MYRIP: variants seen among roughly 807,000 people sequenced by gnomAD.
MYRIP encodes rab effector MyRIP.
MYRIP carries 49 observed loss-of-function variants against 98.0 expected under a neutral mutation model. That is an observed-to-expected ratio of 0.50 (90% CI 0.40 to 0.63). The LOEUF (loss-of-function observed/expected upper bound fraction) is 0.63, where lower values mean the gene tolerates loss of function less well. MYRIP is among the 30% of genes least tolerant of loss of function. The probability of loss-of-function intolerance (pLI) is 0.00; values close to 1 mark genes in which losing one functional copy is unlikely to be tolerated. For synonymous variants in MYRIP, 404 were observed against 409.5 expected, an observed-to-expected ratio of 0.99 and a Z score of 0.16; for missense variants, 1,004 against 1,058.2, an observed-to-expected ratio of 0.95 and a Z score of 0.71.
At chr3:39,955,141 C>T (rs1158639560) in intron 2 of MYRIP, among the ~76,000 whole-genome samples, 1 of 152,166 alleles carries the variant, frequency 6.6e-6, no homozygotes, top group Admixed American at 6.5e-5. Context: ...TCTAGCAAGA[C>T]AGGCCAACAT....
chr3:39,996,518 C>T (rs1946361366), intron 2 of MYRIP, among the ~76,000 whole-genome samples: 1 of 152,142 alleles, frequency 6.6e-6, no homozygotes. Context: ...TACAGGAGCA[C>T]CCAGATTCAT....
intron 4 of MYRIP, among the ~76,000 whole-genome samples, chr3:40,153,422 G>A (rs1950159173): frequency 6.6e-6 from 1 of 152,192 alleles, no homozygotes; most frequent in South Asian, 2.1e-4. Context: ...GCTTTTGCCT[G>A]TCACCCAATA....
At chr3:39,971,342 T>C (rs1023905006) in intron 2 of MYRIP, among the ~76,000 whole-genome samples, 2 of 152,060 alleles carry the variant, frequency 1.3e-5, no homozygotes, top group African/African-American at 4.8e-5. Flanking sequence ...TGCTTCTTTC[T>C]TGCCTTCAGC....
At chr3:40,067,504 T>C (rs956766341) in intron 3 of MYRIP, among the ~76,000 whole-genome samples, 7 of 152,126 alleles carry the variant, frequency 4.6e-5, no homozygotes, top group Admixed American at 4.6e-4. Context: ...GCCAAGAAGA[T>C]CTGTTCCCTC....
intron 2 of MYRIP, among the ~76,000 whole-genome samples, chr3:39,949,930 G>C (rs565213600): frequency 1.7e-4 from 26 of 152,166 alleles, no homozygotes; most frequent in African/African-American, 6.0e-4. Context: ...ATGTTGAAGA[G>C]GTCTGATTTT....
intron 2 of MYRIP, among the ~76,000 whole-genome samples, chr3:39,992,062 C>G (rs908829251): frequency 1.3e-5 from 2 of 152,320 alleles, no homozygotes; most frequent in Admixed American, 6.5e-5. Flanking sequence ...CAAATTTTCT[C>G]TGCTCCATGA....
In MYRIP at chr3:40,167,991, G is replaced by T. The variant is rs117996644; in HGVS notation, c.729+752G>T. On this transcript the variant is annotated intron_variant, in intron 7 of 16. Transcript: ENST00000302541. ...GTGCCTTGTTGTATCAGAGTTTTTA[G>T]CCAGGTTTCAGTATGTAGGCAGGAT... is the stretch of plus-strand genomic sequence containing the variant. Among the ~76,000 whole-genome samples the T allele has an allele frequency of 1.3e-4, 20 of 152,246 alleles. No individual in the cohort carries two copies. The East Asian group carries it at 3.9e-3, about 29-fold the overall frequency.
intron 1 of MYRIP, among the ~76,000 whole-genome samples, chr3:39,879,230 T>C (rs1284061378): frequency 1.3e-5 from 2 of 151,930 alleles, no homozygotes; most frequent in African/African-American, 4.8e-5. Context: ...AACTTGAGAG[T>C]CATTTTGGGG....
At chr3:39,852,535 C>T (rs1942160252) in intron 1 of MYRIP, among the ~76,000 whole-genome samples, 1 of 151,858 alleles carries the variant, frequency 6.6e-6, no homozygotes, top group African/African-American at 2.4e-5. Flanking sequence ...ATTTCATCAC[C>T]CCACTCCCCC....
intron 1 of MYRIP, among the ~76,000 whole-genome samples, chr3:39,813,448 G>C (rs184833396): frequency 6.6e-6 from 1 of 152,318 alleles, no homozygotes; most frequent in Admixed American, 6.5e-5. Context: ...TTGAGTGTTT[G>C]TCATGTGTTG....
chr3:40,208,138 T>C (rs1268355747), intron 10 of MYRIP, among the ~76,000 whole-genome samples: 1 of 152,126 alleles, frequency 6.6e-6, no homozygotes, highest in Non-Finnish European at 1.5e-5. Flanking sequence ...GATGATGAAA[T>C]AGCAAAATGT....
At position 40,080,993 on chromosome 3, in the gene MYRIP, C is replaced by T. The variant is rs144055219; in HGVS notation, c.332+36722C>T. Among the ~76,000 whole-genome samples, 10 of 151,638 alleles carry T rather than the reference C, an allele frequency of 6.6e-5. No individual in the cohort carries two copies. In the South Asian group the frequency reaches 8.3e-4, roughly 13 times the overall value. ...TTCTTTTCTAGTTTGATTTTTTCTT[C>T]GACCTATGTGTTATCTAAAAACACA... On this transcript the variant is annotated intron_variant, in intron 3 of 16. Transcript: ENST00000302541.
intron 8 of MYRIP, among the ~76,000 whole-genome samples, chr3:40,179,615 G>A (rs1431361577): frequency 6.6e-6 from 1 of 152,140 alleles, no homozygotes; most frequent in Non-Finnish European, 1.5e-5. Flanking sequence ...CTTCTGTGAG[G>A]CTGCAATAAT....
Position 40,182,216 on chromosome 3 carries a change from A to G in MYRIP, c.874-4A>G, listed in dbSNP as rs199530821. On this transcript the variant is annotated splice_region_variant and splice_polypyrimidine_tract_variant and intron_variant, in intron 8 of 16. Coordinates refer to ENST00000302541, the MANE Select transcript of MYRIP (RefSeq NM_015460.4). ...TCACCCCTTCCCCTCTTTCCTTTCCACAGAGGTCCCAGTCTGCCTTCTCAA... is the reference window on the plus strand; with the variant it reads ...TCACCCCTTCCCCTCTTTCCTTTCCGCAGAGGTCCCAGTCTGCCTTCTCAA... 3.1e-6 allele frequency: 5 copies of G among 1,603,230 alleles called. No homozygotes were observed. The highest frequency in any genetic ancestry group is 3.4e-6 in the Non-Finnish European group (4 of 1,174,490).
chr3:40,024,984 G>A (rs1238644070), intron 2 of MYRIP, among the ~76,000 whole-genome samples: 1 of 152,198 alleles, frequency 6.6e-6, no homozygotes, highest in Non-Finnish European at 1.5e-5. Context: ...TCTGCAACAA[G>A]CATTTCAGGA....
intron 3 of MYRIP, among the ~76,000 whole-genome samples, chr3:40,062,849 C>T (rs748973259): frequency 1.5e-4 from 23 of 152,110 alleles, no homozygotes; most frequent in Non-Finnish European, 2.4e-4. Context: ...CATTACCTTA[C>T]CTTGGATAAT....
At chr3:40,151,316 G>C (rs1187669846) in intron 4 of MYRIP, 132 bp downstream of exon 4, 10 of 999,852 alleles carry the variant, frequency 1.0e-5, no homozygotes, top group Non-Finnish European at 1.2e-5. Flanking sequence ...GCACCAGTGA[G>C]AAGCAGAAAT....
chr3:39,821,775 G>T (rs1941109839), intron 1 of MYRIP, among the ~76,000 whole-genome samples: 1 of 150,972 alleles, frequency 6.6e-6, no homozygotes. Flanking sequence ...TTTAATTCAT[G>T]GTGACCAGAG....
intron 12 of MYRIP, among the ~76,000 whole-genome samples, chr3:40,240,443 C>A (rs1220525731): frequency 6.6e-6 from 1 of 152,208 alleles, no homozygotes. Flanking sequence ...GCACACTGTG[C>A]ACGAGCTGAA....
Sources: allele counts gnomAD v4.1 joint callset (sites outside exome capture counted in the v4.1 genomes callset), GRCh38; gene constraint gnomAD v4.1.1; transcripts MANE v1.5; gene names NCBI Gene and HGNC (gene_info 2026-07-23, HGNC 2026-07-21).